The following ARHGAP17 variants were observed in gnomAD, a reference collection of about 807,000 sequenced individuals.
ARHGAP17 encodes the protein Rho GTPase activating protein 17.
A neutral mutation model predicts 99.5 loss-of-function variants in ARHGAP17; 57 were observed. The ratio of observed to expected loss-of-function variants is 0.57; its 90% CI spans 0.46 to 0.71. The LOEUF (loss-of-function observed/expected upper bound fraction) is 0.71. Among genes scored for constraint, ARHGAP17 ranks in the 30% least tolerant of loss-of-function variants. The pLI, the probability that ARHGAP17 is intolerant of heterozygous loss-of-function variation, is 0.00. For synonymous variants in ARHGAP17, 417 were observed against 429.6 expected, an observed-to-expected ratio of 0.97 and a Z score of 0.36; for missense variants, 1,000 against 1,122.4, an observed-to-expected ratio of 0.89 and a Z score of 1.56.
chr16:24,944,904 C>T (rs1277878990), intron 14 of ARHGAP17, among the ~76,000 whole-genome samples: 1 of 151,988 alleles, frequency 6.6e-6, no homozygotes, highest in Non-Finnish European at 1.5e-5. Context: ...GCGTGAGCCA[C>T]CGCGCCTGGC....
At chr16:24,985,356 C>G (rs894869495) in intron 1 of ARHGAP17, among the ~76,000 whole-genome samples, 4 of 152,250 alleles carry the variant, frequency 2.6e-5, no homozygotes, top group Non-Finnish European at 5.9e-5. Flanking sequence ...CCAACCAGGT[C>G]TCCCTGGACT....
chr16:24,977,859 G>A (rs1198354853), intron 2 of ARHGAP17, among the ~76,000 whole-genome samples: 1 of 152,140 alleles, frequency 6.6e-6, no homozygotes, highest in African/African-American at 2.4e-5. Flanking sequence ...GCTTTTTACA[G>A]GAAGGAATGC....
At chr16:25,000,336 C>T (rs537209759) in intron 1 of ARHGAP17, among the ~76,000 whole-genome samples, 2 of 152,148 alleles carry the variant, frequency 1.3e-5, no homozygotes, top group Non-Finnish European at 2.9e-5. Context: ...ACAGGCAGAA[C>T]AACACACACA....
At position 24,942,138 on chromosome 16, in the gene ARHGAP17, C is replaced by T; in HGVS notation, c.1339G>A (p.Glu447Lys). 7 of 1,426,006 alleles carry T rather than the reference C, an allele frequency of 4.9e-6. No homozygotes were observed. The highest frequency in any genetic ancestry group is 6.6e-6 in the Non-Finnish European group (7 of 1,059,838). The allele number at this position is 1,426,006 out of a possible 1,614,324, so 88.3% of individuals were successfully genotyped here. Residue 447 changes from glutamate to lysine, a missense_variant, in exon 16 of 20, where the codon GAA becomes AAA. Glu to Lys is a moderately conservative substitution (Grantham distance 56, BLOSUM62 1). This residue lies in a region of ARHGAP17 where 472 missense variants were observed against 611.1 expected (regional missense o/e 0.77). Transcript: ENST00000289968. ...HADWFFPEEVEFNVSEAFVPL... is the reference protein window; with the variant it reads ...HADWFFPEEVKFNVSEAFVPL... Reference sequence around the variant, plus strand: ...ACAAATGCTTCTGATACATTAAATTCCACCTCTGCAAGAGGAAAAATAAAC... The same window carrying T: ...ACAAATGCTTCTGATACATTAAATTTCACCTCTGCAAGAGGAAAAATAAAC...
chr16:25,011,134 G>T (rs1417050265), intron 1 of ARHGAP17, among the ~76,000 whole-genome samples: 3 of 152,066 alleles, frequency 2.0e-5, no homozygotes, highest in Non-Finnish European at 4.4e-5. Flanking sequence ...TGCATCTAAG[G>T]GTTTTCAAGA....
At chr16:24,941,183 A>G (rs1413442346) in intron 16 of ARHGAP17, among the ~76,000 whole-genome samples, 2 of 152,246 alleles carry the variant, frequency 1.3e-5, no homozygotes, top group South Asian at 2.1e-4. Flanking sequence ...ACACCTCACT[A>G]TAAGACTGAG....
Position 24,919,983 on chromosome 16 carries a change from G to T in ARHGAP17, c.*147C>A. 2.5e-6 allele frequency: 3 copies of T among 1,186,588 alleles called. No homozygotes were observed. Among genetic ancestry groups the T allele is most frequent in the Admixed American group, 2.4e-5 (1 of 42,384 alleles). The allele number at this position is 1,186,588 out of a possible 1,614,324, so 73.5% of individuals were successfully genotyped here. The stretch of plus-strand genomic sequence containing the variant: ...GTGGCCTCCAGGTTCTCCTTGGGCC[G>T]TGCAGAAGGCCAGGTCCCGCACAGT... On this transcript the variant is annotated 3_prime_UTR_variant, in exon 20 of 20. Transcript: ENST00000289968.
chr16:24,950,899 G>A (rs868623641), intron 12 of ARHGAP17, among the ~76,000 whole-genome samples: 2 of 150,220 alleles, frequency 1.3e-5, no homozygotes, highest in Admixed American at 6.6e-5. Flanking sequence ...AGACACAAGC[G>A]ATGGACTCAC....
At chr16:25,004,571 T>C (rs1022091914) in intron 1 of ARHGAP17, among the ~76,000 whole-genome samples, 6 of 152,260 alleles carry the variant, frequency 3.9e-5, no homozygotes, top group African/African-American at 1.2e-4. Flanking sequence ...TAATAATTTC[T>C]GTACATTTAT....
At chr16:24,922,211 C>G (rs1333302941) in intron 19 of ARHGAP17, among the ~76,000 whole-genome samples, 8 of 152,374 alleles carry the variant, frequency 5.3e-5, no homozygotes, top group South Asian at 2.1e-4. Context: ...GCCCGTGTCT[C>G]TTCTCAGCCC....
At chr16:24,972,210 GC>G (rs2052387610) in intron 3 of ARHGAP17, among the ~76,000 whole-genome samples, 1 of 152,236 alleles carries the variant, frequency 6.6e-6, no homozygotes, top group Non-Finnish European at 1.5e-5. Flanking sequence ...AAGAGCAGGG[GC>G]TCTGGAGGAG....
At chr16:24,976,696 C>T (rs2052528243) in intron 3 of ARHGAP17, among the ~76,000 whole-genome samples, 1 of 152,096 alleles carries the variant, frequency 6.6e-6, no homozygotes, top group East Asian at 1.9e-4. Context: ...AACAAGCAGC[C>T]CATAGAAGCT....
intron 1 of ARHGAP17, among the ~76,000 whole-genome samples, chr16:24,984,175 T>C (rs1417124424): frequency 1.3e-5 from 2 of 152,196 alleles, no homozygotes; most frequent in Non-Finnish European, 2.9e-5. Flanking sequence ...TCATAAAACA[T>C]GTACTATGGG....
At chr16:24,968,467 C>T (rs777918232) in intron 5 of ARHGAP17, 40 bp from the exon 6 acceptor site, 8 of 1,608,066 alleles carry the variant, frequency 5.0e-6, no homozygotes, top group Admixed American at 1.7e-5. Context: ...CACTTCAGGG[C>T]TTTTAGGTTA....
intron 1 of ARHGAP17, among the ~76,000 whole-genome samples, chr16:25,007,015 G>C (rs561291118): frequency 7.9e-5 from 12 of 152,272 alleles, no homozygotes; most frequent in Non-Finnish European, 1.5e-5. Flanking sequence ...ATATAACAGT[G>C]AATACCCAAT....
chr16:24,931,368 C>T lies in ARHGAP17; in HGVS notation c.1931G>A (p.Gly644Asp). 6.6e-7 allele frequency: 1 copy of T among 1,511,078 alleles called. No individual in the cohort carries two copies. The highest frequency in any genetic ancestry group is 2.3e-5 in the East Asian group (1 of 42,890). The allele number at this position is 1,511,078 out of a possible 1,614,324, so 93.6% of individuals were successfully genotyped here. ...CCCGGGGTGGCCAGGAGGTGGGTTG[C>T]CCGGTTTCGGGGGTGCTGGAGCGGG... ...KKPAPAPPKPGNPPPGHPGGQ... is the reference protein window; with the variant it reads ...KKPAPAPPKPDNPPPGHPGGQ... The change falls in exon 19 of 20, where the codon GGC (glycine) becomes GAC (aspartate). Residue 644 changes from glycine to aspartate, a missense_variant. Around this residue, in one of 2 missense-constraint regions of ARHGAP17, gnomAD observed 528 missense variants for 511.4 expected, o/e 1.03. Transcript: ENST00000289968.
chr16:24,958,718 AG>A (rs2051886746), intron 9 of ARHGAP17, among the ~76,000 whole-genome samples: 1 of 152,214 alleles, frequency 6.6e-6, no homozygotes, highest in African/African-American at 2.4e-5. Flanking sequence ...GCATTCTTGA[AG>A]GTGCTGGTAT....
intron 1 of ARHGAP17, among the ~76,000 whole-genome samples, chr16:24,981,371 G>A (rs372397738): frequency 5.3e-5 from 8 of 152,228 alleles, no homozygotes; most frequent in African/African-American, 1.9e-4. Context: ...ATGCTCAGCT[G>A]CAAATAATTG....
In ARHGAP17 at chr16:24,929,172, A is replaced by T. The variant is rs867529232; in HGVS notation, c.2515+1612T>A. Among the ~76,000 whole-genome samples the T allele has an allele frequency of 5.6e-3, 805 of 142,684 alleles. 9 individuals are homozygous for T. Among genetic ancestry groups the T allele is most frequent in the African/African-American group, 0.018 (648 of 35,630 alleles). The allele number at this position is 142,684 out of a possible 152,430, so 93.6% of individuals were successfully genotyped here. The stretch of plus-strand genomic sequence containing the variant: ...GATATTCCTTTTTTTTTTTTTTTTT[A>T]AAAAGAGGCAGGGTCTCACTCTGTC... On this transcript the variant is annotated intron_variant, in intron 19 of 19. Coordinates refer to ENST00000289968, the MANE Select transcript of ARHGAP17 (RefSeq NM_001006634.3).
Sources: gnomAD v4.1 joint callset for allele counts (sites outside exome capture counted in the v4.1 genomes callset) on GRCh38, gnomAD v4.1.1 for gene constraint, gnomAD v4.1.1 regional missense constraint, MANE v1.5 for transcripts, NCBI Gene and HGNC (gene_info 2026-07-23, HGNC 2026-07-21) for gene names.